The following TAX1BP1 variants were observed in gnomAD, a reference collection of about 807,000 sequenced individuals.
TAX1BP1 encodes tax1-binding protein 1.
A neutral mutation model predicts 97.7 loss-of-function variants in TAX1BP1; 62 were observed. The ratio of observed to expected loss-of-function variants is 0.63; its 90% CI spans 0.52 to 0.78. TAX1BP1 has a LOEUF of 0.78. Among genes scored for constraint, TAX1BP1 ranks in the 30% least tolerant of loss-of-function variants. The pLI, the probability that TAX1BP1 is intolerant of heterozygous loss-of-function variation, is 0.00. For synonymous variants in TAX1BP1, 340 were observed against 304.2 expected (o/e 1.12, Z -1.23); for missense variants, 867 against 916.1 (o/e 0.95, Z 0.69).
intron 1 of TAX1BP1, among the ~76,000 whole-genome samples, chr7:27,742,478 C>T: frequency 6.6e-6 from 1 of 152,150 alleles, no homozygotes; most frequent in South Asian, 2.1e-4. Flanking sequence ...TTTCAGAGAG[C>T]ACGGGGTTGG....
chr7:27,770,246 A>G (rs1309585049), intron 5 of TAX1BP1, among the ~76,000 whole-genome samples: 1 of 152,092 alleles, frequency 6.6e-6, no homozygotes, highest in Non-Finnish European at 1.5e-5. Flanking sequence ...ATTAGACAAA[A>G]TTTTGAAATT....
At chr7:27,804,116 T>C (rs1198819934) in intron 13 of TAX1BP1, among the ~76,000 whole-genome samples, 2 of 152,242 alleles carry the variant, frequency 1.3e-5, no homozygotes, top group African/African-American at 2.4e-5. Flanking sequence ...GTTTACAAAC[T>C]TTTCTAATGA....
At chr7:27,796,459 T>A (rs916501396) in intron 12 of TAX1BP1, among the ~76,000 whole-genome samples, 7 of 152,222 alleles carry the variant, frequency 4.6e-5, no homozygotes, top group African/African-American at 1.7e-4. Context: ...TAAAATGTTC[T>A]TGTTTGGGTA....
chr7:27,745,251 A>G (rs1190014350), intron 1 of TAX1BP1, among the ~76,000 whole-genome samples: 3 of 152,192 alleles, frequency 2.0e-5, no homozygotes, highest in African/African-American at 7.2e-5. Context: ...GTGAAGCTAC[A>G]CTTCCCAGGC....
chr7:27,768,486 A>G (rs1788724838), intron 4 of TAX1BP1, among the ~76,000 whole-genome samples: 1 of 151,962 alleles, frequency 6.6e-6, no homozygotes, highest in South Asian at 2.1e-4. Context: ...AATCACTGGA[A>G]AAGGTGATTC....
intron 5 of TAX1BP1, among the ~76,000 whole-genome samples, chr7:27,775,387 A>G (rs1300479745): frequency 6.6e-6 from 1 of 152,226 alleles, no homozygotes; most frequent in East Asian, 1.9e-4. Context: ...TGATAATACA[A>G]TTGAAGGATC....
At chr7:27,801,242 A>ATT (rs33986454) in intron 13 of TAX1BP1, among the ~76,000 whole-genome samples, 29,938 of 145,868 alleles carry the variant, frequency 0.21, 3,144 homozygotes, top group Admixed American at 0.26. Flanking sequence ...TATAATTTAC[A>ATT]TTTTTTTTTT....
At chr7:27,789,541 G>A (rs900055736) in intron 8 of TAX1BP1, among the ~76,000 whole-genome samples, 2 of 150,370 alleles carry the variant, frequency 1.3e-5, no homozygotes, top group African/African-American at 2.4e-5. Context: ...TATCCTCTTC[G>A]TTCTTAAAAA....
In TAX1BP1 at chr7:27,740,285, G is replaced by C. The variant is rs1182575976; in HGVS notation, c.-8+16G>C. 1 of 152,702 alleles carries C rather than the reference G, an allele frequency of 6.5e-6. No individual in the cohort carries two copies. The highest frequency in any genetic ancestry group is 1.5e-5 in the Non-Finnish European group (1 of 68,522). The allele number at this position is 152,702 out of a possible 1,614,324, so 9.5% of individuals were successfully genotyped here. ...TTTCCACTGGGTAAGGCGCCTCCCC[G>C]GTCCACCCCAGCGCCTTGTGCGGGG... is the stretch of plus-strand genomic sequence containing the variant. On this transcript the variant is annotated intron_variant, in intron 1 of 16. Transcript: ENST00000396319.
chr7:27,756,003 T>G (rs752561967), intron 2 of TAX1BP1, among the ~76,000 whole-genome samples: 2 of 152,208 alleles, frequency 1.3e-5, no homozygotes, highest in Non-Finnish European at 2.9e-5. Context: ...CAAGATTTCT[T>G]GCATTTCAGT....
intron 16 of TAX1BP1, 82 bp from the exon 17 acceptor site, chr7:27,828,546 T>TG (rs1782560006): frequency 1.5e-6 from 2 of 1,362,428 alleles, no homozygotes; most frequent in African/African-American, 2.9e-5. Flanking sequence ...GCTAACTAGA[T>TG]AAATGGAACC....
rs773210606 is a variant in TAX1BP1 at position 27,769,850 on chromosome 7, T to C, written c.612+16T>C. 5.6e-6 allele frequency: 9 copies of C among 1,609,898 alleles called. No homozygotes were observed. Among genetic ancestry groups the C allele is most frequent in the Non-Finnish European group, 6.8e-6 (8 of 1,177,750 alleles). On this transcript the variant is annotated intron_variant, in intron 5 of 16. Transcript: ENST00000396319. ...AGAACAAAAGGTTAGTTGTGTCTTA[T>C]GTAACTGATTGAAGTTGATAGTATA...
At chr7:27,763,778 A>T (rs944343496) in intron 3 of TAX1BP1, among the ~76,000 whole-genome samples, 6 of 152,168 alleles carry the variant, frequency 3.9e-5, no homozygotes, top group Admixed American at 6.5e-5. Flanking sequence ...AAAAAAAAAA[A>T]AAGAATCAGA....
chr7:27,792,794 T>G (rs748212744), intron 9 of TAX1BP1, among the ~76,000 whole-genome samples: 5 of 152,054 alleles, frequency 3.3e-5, no homozygotes, highest in Non-Finnish European at 5.9e-5. Flanking sequence ...AGACCTCATC[T>G]CTACAAAAAT....
Position 27,769,830 on chromosome 7 carries a change from A to G in TAX1BP1, c.608A>G (p.Gln203Arg), listed in dbSNP as rs768913934. The change falls in exon 5 of 17, where the codon CAA (glutamine) becomes CGA (arginine). Residue 203 changes from glutamine to arginine, a missense_variant. Around this residue, in one of 3 missense-constraint regions of TAX1BP1, gnomAD observed 822 missense variants for 851.4 expected, o/e 0.97. Transcript: ENST00000396319. ...AGATGTGACCAACTGCAAGCAGAAC[A>G]AAAGGTTAGTTGTGTCTTATGTAAC... ...KERCDQLQAE[Q>R]KGLTEVTQSL... 2 of 1,611,850 alleles carry G rather than the reference A, an allele frequency of 1.2e-6. No homozygotes were observed. Among genetic ancestry groups the G allele is most frequent in the East Asian group, 4.5e-5 (2 of 44,752 alleles).
chr7:27,765,009 G>GTT (rs1179797055), intron 3 of TAX1BP1, among the ~76,000 whole-genome samples: 10 of 81,082 alleles, frequency 1.2e-4, no homozygotes, highest in Non-Finnish European at 1.9e-4. Context: ...TCTCCTCTCT[G>GTT]TTTTTTTTTT....
intron 15 of TAX1BP1, among the ~76,000 whole-genome samples, chr7:27,823,233 T>G (rs1347548937): frequency 6.6e-6 from 1 of 152,106 alleles, no homozygotes; most frequent in Non-Finnish European, 1.5e-5. Flanking sequence ...TAATACAAAG[T>G]TTTGAGGGGC....
intron 11 of TAX1BP1, among the ~76,000 whole-genome samples, chr7:27,795,121 A>AGT (rs1789870565): frequency 6.6e-6 from 1 of 152,170 alleles, no homozygotes; most frequent in South Asian, 2.1e-4. Context: ...TTTCTTGTTT[A>AGT]GTGTGTGTAG....
chr7:27,786,653 C>A (rs546996356), intron 7 of TAX1BP1, among the ~76,000 whole-genome samples: 1 of 152,114 alleles, frequency 6.6e-6, no homozygotes, highest in South Asian at 2.1e-4. Context: ...TAAAGTGATG[C>A]TGCAAGGGTG....
Sources: gnomAD v4.1 joint callset for allele counts (sites outside exome capture counted in the v4.1 genomes callset) on GRCh38, gnomAD v4.1.1 for gene constraint, gnomAD v4.1.1 regional missense constraint, MANE v1.5 for transcripts, NCBI Gene and HGNC (gene_info 2026-07-23, HGNC 2026-07-21) for gene names.